The following NBEA variants were observed in gnomAD, a reference collection of about 807,000 sequenced individuals.
NBEA encodes the protein lysosomal-trafficking regulator 2.
A neutral mutation model predicts 343.4 loss-of-function variants in NBEA; 44 were observed. The ratio of observed to expected loss-of-function variants is 0.13; its 90% CI spans 0.10 to 0.16. NBEA has a LOEUF of 0.16. Ranked by LOEUF, NBEA falls within the 10% of genes least tolerant of loss-of-function variation. The pLI is 1.00. For synonymous variants in NBEA, 1,175 were observed against 1,238.7 expected, an observed-to-expected ratio of 0.95 and a Z score of 1.08; for missense variants, 2,555 against 3,631.3, an observed-to-expected ratio of 0.70 and a Z score of 7.62.
intron 45 of NBEA, 23 bp downstream of exon 45, chr13:35,567,040 T>A: frequency 8.0e-7 from 1 of 1,250,226 alleles, no homozygotes; most frequent in Non-Finnish European, 1.2e-6. Context: ...TATATAGAAG[T>A]CAGCTTTCTT....
chr13:35,008,595 A>G (rs1030110183), intron 1 of NBEA, among the ~76,000 whole-genome samples: 4 of 152,198 alleles, frequency 2.6e-5, no homozygotes, highest in Admixed American at 6.5e-5. Flanking sequence ...CAGAGGGCAT[A>G]ATGCAGCTCT....
intron 23 of NBEA, among the ~76,000 whole-genome samples, chr13:35,162,330 A>C (rs758845551): frequency 6.6e-6 from 1 of 152,218 alleles, no homozygotes; most frequent in Non-Finnish European, 1.5e-5. Flanking sequence ...AAGAGAGCAC[A>C]TCATTTACAT....
At chr13:35,418,745 C>G (rs1213770000) in intron 38 of NBEA, among the ~76,000 whole-genome samples, 4 of 151,896 alleles carry the variant, frequency 2.6e-5, no homozygotes, top group Non-Finnish European at 5.9e-5. Context: ...AAAAACGTCT[C>G]ATGATTCATG....
chr13:35,465,383 T>G (rs1412429911), intron 40 of NBEA, among the ~76,000 whole-genome samples: 3 of 152,116 alleles, frequency 2.0e-5, no homozygotes, highest in African/African-American at 7.2e-5. Context: ...ACACATATAT[T>G]TAATATATTT....
chr13:35,537,706 A>G (rs997307758), intron 41 of NBEA, among the ~76,000 whole-genome samples: 1 of 152,116 alleles, frequency 6.6e-6, no homozygotes, highest in Non-Finnish European at 1.5e-5. Flanking sequence ...GGGAGGGAAG[A>G]TATTTCCAGA....
intron 41 of NBEA, chr13:35,475,886 C>G: frequency 6.2e-7 from 1 of 1,614,108 alleles, no homozygotes; most frequent in Non-Finnish European, 8.5e-7. Context: ...AAGTTGAACA[C>G]CCCCATTTGG....
chr13:35,378,998 C>T (rs539207956), intron 38 of NBEA, among the ~76,000 whole-genome samples: 11 of 151,700 alleles, frequency 7.3e-5, no homozygotes, highest in Non-Finnish European at 1.6e-4. Context: ...TATAGTAGTC[C>T]ATTGTGTTAA....
At chr13:35,441,830 T>TG (rs2045753195) in intron 39 of NBEA, among the ~76,000 whole-genome samples, 1 of 122,346 alleles carries the variant, frequency 8.2e-6, no homozygotes, top group South Asian at 2.3e-4. Flanking sequence ...ATGCTAGATG[T>TG]GAAAAAAAAA....
At chr13:35,233,496 G>T (rs1023129000) in intron 34 of NBEA, among the ~76,000 whole-genome samples, 7 of 152,122 alleles carry the variant, frequency 4.6e-5, no homozygotes, top group African/African-American at 1.7e-4. Context: ...TGTGGCCTTT[G>T]TGAATTACTT....
chr13:35,617,193 C>T (rs984903797), intron 48 of NBEA, among the ~76,000 whole-genome samples: 3 of 152,230 alleles, frequency 2.0e-5, no homozygotes, highest in African/African-American at 7.2e-5. Flanking sequence ...CAAGGCACTG[C>T]AGTTTCCCTA....
chr13:35,624,854 AG>A (rs2083151257), intron 48 of NBEA, among the ~76,000 whole-genome samples: 1 of 152,104 alleles, frequency 6.6e-6, no homozygotes, highest in African/African-American at 2.4e-5. Context: ...GCAAAAGAAA[AG>A]GAGGAAGGAG....
chr13:34,946,716 A>C (rs1286993585), intron 1 of NBEA, among the ~76,000 whole-genome samples: 1 of 143,058 alleles, frequency 7.0e-6, no homozygotes, highest in South Asian at 2.2e-4. Flanking sequence ...TTTTTTTTTT[A>C]CATTCTAAGT....
At chr13:35,486,344 G>T (rs1043872827) in intron 41 of NBEA, among the ~76,000 whole-genome samples, 1 of 151,880 alleles carries the variant, frequency 6.6e-6, no homozygotes, top group Non-Finnish European at 1.5e-5. Flanking sequence ...AATTCAGAGG[G>T]ATAAATTACC....
In NBEA at chr13:35,646,361, A is replaced by T; in HGVS notation, c.7770+13A>T. ...TGCCATGCACCTGGTAAGACATATC[A>T]GCATGTTGAGATTTTTTTTTCTTTC... On this transcript the variant is annotated intron_variant, in intron 51 of 58. Coordinates refer to ENST00000379939, the MANE Select transcript of NBEA (RefSeq NM_001385012.1). The T allele has an allele frequency of 6.3e-7, 1 of 1,598,176 alleles. No homozygotes were observed. The highest frequency in any genetic ancestry group is 1.3e-5 in the African/African-American group (1 of 74,720).
chr13:35,115,317 A>G (rs970433205), intron 13 of NBEA, among the ~76,000 whole-genome samples: 3 of 152,010 alleles, frequency 2.0e-5, no homozygotes, highest in African/African-American at 7.2e-5. Flanking sequence ...TATCGATGTA[A>G]TATATAAACA....
intron 25 of NBEA, among the ~76,000 whole-genome samples, chr13:35,170,002 C>G (rs142076690): frequency 6.6e-6 from 1 of 151,712 alleles, no homozygotes; most frequent in African/African-American, 2.4e-5. Context: ...TGGTTTTAAC[C>G]CTATTTTGCT....
intron 13 of NBEA, among the ~76,000 whole-genome samples, chr13:35,113,812 C>T (rs766820057): frequency 5.9e-5 from 9 of 152,052 alleles, no homozygotes; most frequent in Non-Finnish European, 7.4e-5. Flanking sequence ...AGTATGTAAA[C>T]GAATAGGTGT....
intron 1 of NBEA, among the ~76,000 whole-genome samples, chr13:34,991,595 A>G (rs185943607): frequency 2.0e-5 from 3 of 152,300 alleles, no homozygotes; most frequent in East Asian, 1.9e-4. Context: ...GAGGATTACA[A>G]TTCAACATGA....
At chr13:35,542,214 T>C (rs2078864689) in intron 41 of NBEA, among the ~76,000 whole-genome samples, 1 of 151,524 alleles carries the variant, frequency 6.6e-6, no homozygotes, top group Non-Finnish European at 1.5e-5. Flanking sequence ...TATAATGGCA[T>C]ATAATAACAT....
Sources: allele counts gnomAD v4.1 joint callset (sites outside exome capture counted in the v4.1 genomes callset), GRCh38; gene constraint gnomAD v4.1.1; transcripts MANE v1.5; gene names NCBI Gene and HGNC (gene_info 2026-07-23, HGNC 2026-07-21).